The following NBAS variants were observed in gnomAD, a reference collection of about 807,000 sequenced individuals.
NBAS encodes NAG/BC035112 fusion.
In NBAS, 219 loss-of-function variants were observed where a neutral mutation model predicts 302.5. That is an observed-to-expected ratio of 0.72 (90% CI 0.65 to 0.81). The LOEUF is 0.81. Among genes scored for constraint, NBAS ranks in the 30% least tolerant of loss-of-function variants. The probability of loss-of-function intolerance (pLI) is 0.00; values close to 1 mark genes in which losing one functional copy is unlikely to be tolerated. For missense variants in NBAS, 2,932 were observed against 2,841.6 expected, an observed-to-expected ratio of 1.03 and a Z score of -0.72; for synonymous variants, 1,118 against 1,021.6, an observed-to-expected ratio of 1.09 and a Z score of -1.80.
chr2:15,278,574 C>T (rs749157418), intron 42 of NBAS, among the ~76,000 whole-genome samples: 20 of 152,046 alleles, frequency 1.3e-4, no homozygotes, highest in Non-Finnish European at 2.1e-4. Flanking sequence ...GTATTATGAA[C>T]GCCAAATAGA....
At chr2:15,452,232 T>C (rs1409300783) in intron 21 of NBAS, among the ~76,000 whole-genome samples, 1 of 152,178 alleles carries the variant, frequency 6.6e-6, no homozygotes, top group African/African-American at 2.4e-5. Flanking sequence ...CACTTAAAAA[T>C]AGTTAAGATG....
At chr2:15,493,532 T>A (rs1452393211) in intron 11 of NBAS, among the ~76,000 whole-genome samples, 1 of 152,022 alleles carries the variant, frequency 6.6e-6, no homozygotes, top group Non-Finnish European at 1.5e-5. Context: ...CCAGGCATGA[T>A]GGCAAGTGCC....
intron 21 of NBAS, among the ~76,000 whole-genome samples, chr2:15,432,946 G>A (rs1677834849): frequency 6.6e-6 from 1 of 152,148 alleles, no homozygotes; most frequent in Non-Finnish European, 1.5e-5. Context: ...CAGAAACTAA[G>A]AAGATATTTT....
At chr2:15,455,630 G>T (rs1288245305) in intron 21 of NBAS, among the ~76,000 whole-genome samples, 1 of 151,828 alleles carries the variant, frequency 6.6e-6, no homozygotes, top group Non-Finnish European at 1.5e-5. Context: ...ACTGTCCTCA[G>T]CGGTTGATAT....
chr2:15,490,155 AT>A (rs1680794556), intron 11 of NBAS, among the ~76,000 whole-genome samples: 1 of 152,140 alleles, frequency 6.6e-6, no homozygotes, highest in South Asian at 2.1e-4. Flanking sequence ...GAAAATCAAA[AT>A]TATTACACTT....
chr2:14,931,187 C>T, the NBAS span, among the ~76,000 whole-genome samples: 9 of 152,218 alleles, frequency 5.9e-5, no homozygotes, highest in African/African-American at 2.2e-4. Flanking sequence ...AGGCAGGATA[C>T]AGAGGCAGAA....
chr2:14,811,820 T>G, the NBAS span, among the ~76,000 whole-genome samples: 5,556 of 152,160 alleles, frequency 0.037, 317 homozygotes, highest in African/African-American at 0.13. Context: ...AAGAAAGAGG[T>G]TAGCAGAATA....
At chr2:15,460,087 T>C (rs976260878) in intron 21 of NBAS, among the ~76,000 whole-genome samples, 2 of 152,122 alleles carry the variant, frequency 1.3e-5, no homozygotes, top group East Asian at 1.9e-4. Context: ...GGATATTGAG[T>C]GGAGGCAGCA....
chr2:15,023,629 T>C, the NBAS span, among the ~76,000 whole-genome samples: 7 of 87,748 alleles, frequency 8.0e-5, no homozygotes, highest in East Asian at 5.6e-4. Context: ...TCAATGGGTA[T>C]AAGATTATAT....
chr2:15,004,046 G>T, the NBAS span, among the ~76,000 whole-genome samples: 1 of 152,142 alleles, frequency 6.6e-6, no homozygotes, highest in Non-Finnish European at 1.5e-5. Context: ...TAGGCCACTG[G>T]AATCTATAAC....
intron 23 of NBAS, among the ~76,000 whole-genome samples, chr2:15,420,796 G>A (rs1374614199): frequency 1.3e-5 from 2 of 152,106 alleles, no homozygotes; most frequent in Admixed American, 1.3e-4. Context: ...AATGATGAGG[G>A]AAGTGGTGGG....
intron 6 of NBAS, among the ~76,000 whole-genome samples, chr2:15,546,393 AT>A (rs1452193514): frequency 6.6e-6 from 1 of 152,214 alleles, no homozygotes; most frequent in Non-Finnish European, 1.5e-5. Flanking sequence ...TAATCTGAGG[AT>A]CCTGAATCAC....
At chr2:14,952,354 A>G in the NBAS span, among the ~76,000 whole-genome samples, 7 of 152,368 alleles carry the variant, frequency 4.6e-5, no homozygotes, top group South Asian at 1.4e-3. Flanking sequence ...TATGAAGAGG[A>G]CAAAGATTAT....
At chr2:15,067,037 T>G in the NBAS span, among the ~76,000 whole-genome samples, 1 of 151,828 alleles carries the variant, frequency 6.6e-6, no homozygotes, top group Non-Finnish European at 1.5e-5. Flanking sequence ...AAGGCAGAAA[T>G]CCTGGTCAGG....
At chr2:15,433,358 GC>G (rs1446974109) in intron 21 of NBAS, among the ~76,000 whole-genome samples, 2 of 152,000 alleles carry the variant, frequency 1.3e-5, no homozygotes, top group African/African-American at 4.8e-5. Flanking sequence ...GTACATAAAG[GC>G]CCTTACAACA....
At chr2:15,443,775 T>G (rs955754529) in intron 21 of NBAS, among the ~76,000 whole-genome samples, 5 of 151,812 alleles carry the variant, frequency 3.3e-5, no homozygotes, top group African/African-American at 1.2e-4. Context: ...GCCCAAAATC[T>G]CCTTAAGCTG....
intron 9 of NBAS, among the ~76,000 whole-genome samples, chr2:15,514,631 AAT>A (rs1662303355): frequency 6.6e-6 from 1 of 151,482 alleles, no homozygotes; most frequent in African/African-American, 2.4e-5. Flanking sequence ...CACTTTGATC[AAT>A]GTCCAATATA....
At chr2:15,441,801 G>A (rs1018718922) in intron 21 of NBAS, among the ~76,000 whole-genome samples, 9 of 152,054 alleles carry the variant, frequency 5.9e-5, no homozygotes, top group Non-Finnish European at 1.0e-4. Context: ...AAAATAAAAG[G>A]ATGGAGGAAG....
the NBAS span, among the ~76,000 whole-genome samples, chr2:14,787,942 G>A: frequency 2.8e-4 from 43 of 152,034 alleles, no homozygotes; most frequent in Non-Finnish European, 5.3e-4. Flanking sequence ...CATTCTCCCT[G>A]TCACTTTCAG....
Sources: allele counts gnomAD v4.1 joint callset (sites outside exome capture counted in the v4.1 genomes callset), GRCh38; gene constraint gnomAD v4.1.1; transcripts MANE v1.5; gene names NCBI Gene and HGNC (gene_info 2026-07-23, HGNC 2026-07-21).